GSE1: variants seen among roughly 807,000 people sequenced by gnomAD.
The protein encoded by GSE1 is genetic suppressor element 1.
In GSE1, 32 loss-of-function variants were observed where a neutral mutation model predicts 112.6. That is an observed-to-expected ratio of 0.28 (90% confidence interval 0.21 to 0.38). The LOEUF (loss-of-function observed/expected upper bound fraction) is 0.38, where lower values mean the gene tolerates loss of function less well. GSE1 is among the 10% of genes least tolerant of loss of function. GSE1 has a pLI of 1.00. For missense variants in GSE1, 2,348 were observed against 1,699.2 expected (o/e 1.38, Z -6.71); for synonymous variants, 1,115 against 735.6 (o/e 1.52, Z -8.35).
intron 1 of GSE1, among the ~76,000 whole-genome samples, chr16:85,588,600 G>A (rs1225328141): frequency 6.6e-6 from 1 of 152,220 alleles, no homozygotes; most frequent in Non-Finnish European, 1.5e-5. Flanking sequence ...TTTATTTCTC[G>A]GGATTGATAG....
intron 2 of GSE1, among the ~76,000 whole-genome samples, chr16:85,366,563 A>T (rs2047189939): frequency 6.6e-6 from 1 of 152,208 alleles, no homozygotes; most frequent in African/African-American, 2.4e-5. Flanking sequence ...GTCTCTCCCC[A>T]GGAGCCTCTT....
At chr16:85,616,694 T>C (rs1255604965) in intron 1 of GSE1, among the ~76,000 whole-genome samples, 1 of 151,806 alleles carries the variant, frequency 6.6e-6, no homozygotes, top group East Asian at 1.9e-4. Context: ...CTTTAATTCC[T>C]CCCCCAGTGG....
intron 1 of GSE1, among the ~76,000 whole-genome samples, chr16:85,182,596 A>G (rs11639785): frequency 0.16 from 24,834 of 152,116 alleles, 2,736 homozygotes; most frequent in East Asian, 0.37. Context: ...TGCCTCCTGC[A>G]AGAGCACTTC....
chr16:85,365,700 A>G (rs1340813897), intron 2 of GSE1, among the ~76,000 whole-genome samples: 1 of 152,230 alleles, frequency 6.6e-6, no homozygotes. Flanking sequence ...GCGAAGGTTT[A>G]TAGAAGGTGA....
intron 9 of GSE1, 140 bp downstream of exon 9, chr16:85,661,905 A>G (rs774093959): frequency 5.5e-5 from 44 of 801,518 alleles, no homozygotes; most frequent in Middle Eastern, 3.8e-4. Context: ...TGGCAAGTGC[A>G]CTGGCTTCTT....
intron 1 of GSE1, among the ~76,000 whole-genome samples, chr16:85,303,410 C>T (rs991072608): frequency 6.6e-6 from 1 of 152,334 alleles, no homozygotes; most frequent in East Asian, 1.9e-4. Flanking sequence ...ACCTGTCGGT[C>T]TGACGGTGCC....
At chr16:85,276,328 G>A (rs1909357064) in intron 1 of GSE1, among the ~76,000 whole-genome samples, 1 of 85,420 alleles carries the variant, frequency 1.2e-5, no homozygotes, top group African/African-American at 3.8e-5. Context: ...ACTGAGGTAG[G>A]AGGACTTCAG....
intron 1 of GSE1, among the ~76,000 whole-genome samples, chr16:85,347,565 C>T (rs1007385660): frequency 1.3e-5 from 2 of 152,196 alleles, no homozygotes; most frequent in African/African-American, 4.8e-5. Flanking sequence ...TAGTGACCCT[C>T]CTGGAAAGAC....
At chr16:85,170,967 C>T (rs1004594105) in exon 1 of GSE1, 1 of 985,444 alleles carries the variant, frequency 1.0e-6, no homozygotes, top group African/African-American at 1.7e-5. Context: ...GAGAGGCCTG[C>T]TACCTCTGTG....
rs146338965 is a variant in GSE1 at position 85,528,579 on chromosome 16, C to G, written c.2465-105335C>G. The stretch of plus-strand genomic sequence containing the variant: ...CTTTAAGCGATCCTCCTGCCCCAGC[C>G]TCCTTTTTAAGTGCTGGGATTACAG... On this transcript the variant is annotated intron_variant, in intron 2 of 2. Transcript: ENST00000637419. Among the ~76,000 whole-genome samples, 725 of 152,192 alleles carry G rather than the reference C, an allele frequency of 4.8e-3. 6 individuals carry two copies. Among genetic ancestry groups the G allele is most frequent in the African/African-American group, 0.017 (686 of 41,492 alleles).
intron 1 of GSE1, among the ~76,000 whole-genome samples, chr16:85,197,667 C>A (rs1163713888): frequency 6.6e-6 from 1 of 152,210 alleles, no homozygotes; most frequent in Non-Finnish European, 1.5e-5. Context: ...TTGGCAGCTC[C>A]CTCCGGGATC....
At chr16:85,221,205 G>A (rs942653711) in intron 1 of GSE1, among the ~76,000 whole-genome samples, 2 of 152,134 alleles carry the variant, frequency 1.3e-5, no homozygotes, top group East Asian at 1.9e-4. Flanking sequence ...TGTCCCTCCC[G>A]TGCTGGGCGG....
At chr16:85,449,736 T>C (rs536664735) in intron 2 of GSE1, among the ~76,000 whole-genome samples, 1 of 152,336 alleles carries the variant, frequency 6.6e-6, no homozygotes, top group African/African-American at 2.4e-5. Context: ...GCCTGGGGTT[T>C]GGATCGCTGC....
At position 85,250,822 on chromosome 16, in the gene GSE1, C is replaced by A. The variant is rs572369566; in HGVS notation, c.2283+79015C>A. Among the ~76,000 whole-genome samples the A allele has an allele frequency of 2.6e-3, 395 of 151,718 alleles. 1 individual carries two copies. Among genetic ancestry groups the A allele is most frequent in the African/African-American group, 9.4e-3 (388 of 41,308 alleles). On this transcript the variant is annotated intron_variant, in intron 1 of 2. Transcript: ENST00000637419. ...AAGCCCTGCATCCTCAGCCGTCACTCCCCACCCCCAGCCCCCCTCCCTGGC... is the reference window on the plus strand; with the variant it reads ...AAGCCCTGCATCCTCAGCCGTCACTACCCACCCCCAGCCCCCCTCCCTGGC...
At chr16:85,621,153 G>C (rs1227459200) in intron 1 of GSE1, among the ~76,000 whole-genome samples, 1 of 151,940 alleles carries the variant, frequency 6.6e-6, no homozygotes, top group East Asian at 1.9e-4. Flanking sequence ...AACCCGTTTA[G>C]ATGGTCTCGG....
chr16:85,418,126 C>T (rs1484692937), intron 2 of GSE1, among the ~76,000 whole-genome samples: 7 of 152,250 alleles, frequency 4.6e-5, no homozygotes, highest in Admixed American at 2.6e-4. Context: ...CGTGAGCCAC[C>T]GCGCCTGGCT....
At chr16:85,507,460 G>A (rs1379435158) in intron 2 of GSE1, among the ~76,000 whole-genome samples, 2 of 152,234 alleles carry the variant, frequency 1.3e-5, no homozygotes, top group East Asian at 3.8e-4. Context: ...ACTCGCCCTT[G>A]CCCAGTGGGT....
intron 1 of GSE1, among the ~76,000 whole-genome samples, chr16:85,256,049 C>T (rs567134936): frequency 2.0e-5 from 3 of 152,348 alleles, no homozygotes; most frequent in East Asian, 1.9e-4. Context: ...TGTGCCTCAG[C>T]TTCCCCATAT....
At chr16:85,184,331 C>CT (rs1334641797) in intron 1 of GSE1, among the ~76,000 whole-genome samples, 5 of 152,250 alleles carry the variant, frequency 3.3e-5, no homozygotes, top group Admixed American at 2.0e-4. Context: ...CCCCCTTCCC[C>CT]TGCATGCCTG....
Sources: allele counts gnomAD v4.1 joint callset (sites outside exome capture counted in the v4.1 genomes callset), GRCh38; gene constraint gnomAD v4.1.1; transcripts MANE v1.5; gene names NCBI Gene and HGNC (gene_info 2026-07-23, HGNC 2026-07-21).